Variants in ELAPOR2 observed in about 807,000 individuals in gnomAD.
The protein encoded by ELAPOR2 is endosome/lysosome-associated apoptosis and autophagy regulator family member 2.
In ELAPOR2, 89 loss-of-function variants were observed where a neutral mutation model predicts 120.7. That is an observed-to-expected ratio of 0.74 (90% CI 0.62 to 0.88). The LOEUF is 0.88. ELAPOR2 is among the 40% of genes least tolerant of loss of function. ELAPOR2 has a pLI of 0.00. For synonymous variants in ELAPOR2, 444 were observed against 444.9 expected (o/e 1.00, Z 0.03); for missense variants, 1,134 against 1,251.6 (o/e 0.91, Z 1.42).
intron 1 of ELAPOR2, among the ~76,000 whole-genome samples, chr7:86,994,445 G>A (rs183557264): frequency 2.0e-5 from 3 of 152,216 alleles, no homozygotes; most frequent in Non-Finnish European, 4.4e-5. Context: ...AAATCATGTG[G>A]CAAAATGTAA....
chr7:86,988,212 G>A (rs116630917), intron 1 of ELAPOR2, among the ~76,000 whole-genome samples: 4,754 of 152,250 alleles, frequency 0.031, 91 homozygotes, highest in Middle Eastern at 0.048. Context: ...TCAGGTGTGG[G>A]GGGAGGGATA....
At chr7:87,033,030 A>G (rs756884449) in intron 1 of ELAPOR2, among the ~76,000 whole-genome samples, 41 of 152,216 alleles carry the variant, frequency 2.7e-4, no homozygotes, top group Non-Finnish European at 4.7e-4. Context: ...AACTGTAAAT[A>G]GCTGCCTGGT....
At chr7:87,010,982 T>C (rs1446782770) in intron 1 of ELAPOR2, among the ~76,000 whole-genome samples, 2 of 152,010 alleles carry the variant, frequency 1.3e-5, no homozygotes, top group African/African-American at 2.4e-5. Flanking sequence ...AAAGAAAATA[T>C]ACCGACCAGG....
At chr7:87,016,318 G>A (rs1354772228) in intron 1 of ELAPOR2, among the ~76,000 whole-genome samples, 2 of 151,900 alleles carry the variant, frequency 1.3e-5, no homozygotes, top group Admixed American at 6.6e-5. Context: ...AAGGGGATGG[G>A]TAGAAATAGG....
chr7:86,925,049 C>G (rs530897220), intron 10 of ELAPOR2, among the ~76,000 whole-genome samples: 1 of 152,080 alleles, frequency 6.6e-6, no homozygotes, highest in East Asian at 1.9e-4. Flanking sequence ...TAGAACTCTG[C>G]CACATTTTCA....
chr7:87,047,481 G>GA (rs930664518), intron 1 of ELAPOR2, among the ~76,000 whole-genome samples: 9 of 152,010 alleles, frequency 5.9e-5, no homozygotes, highest in Admixed American at 2.6e-4. Context: ...AACTCTGTAG[G>GA]AAAAAAATCT....
chr7:86,941,968 AAAG>A (rs752144836), intron 5 of ELAPOR2, 47 bp downstream of exon 5: 45 of 1,150,206 alleles, frequency 3.9e-5, no homozygotes, highest in East Asian at 3.6e-4. Flanking sequence ...TTGGGGAAAA[AAAG>A]AAGAAGGAAA....
intron 8 of ELAPOR2, 23 bp from the exon 9 acceptor site, chr7:86,926,939 A>G: frequency 1.4e-6 from 2 of 1,474,992 alleles, no homozygotes; most frequent in East Asian, 2.4e-5. Flanking sequence ...AAAAAAAAAA[A>G]AAGCAACCAA....
intron 21 of ELAPOR2, among the ~76,000 whole-genome samples, chr7:86,890,617 C>A: frequency 6.6e-6 from 1 of 152,052 alleles, no homozygotes; most frequent in East Asian, 1.9e-4. Flanking sequence ...TCCTTCATCT[C>A]TGACATGACT....
At chr7:86,946,679 C>T (rs932077381) in intron 3 of ELAPOR2, among the ~76,000 whole-genome samples, 2 of 152,160 alleles carry the variant, frequency 1.3e-5, no homozygotes, top group Non-Finnish European at 2.9e-5. Context: ...GAGCCACCGC[C>T]GCACTGGCCC....
At chr7:86,986,201 G>A (rs1489862760) in intron 1 of ELAPOR2, among the ~76,000 whole-genome samples, 1 of 121,070 alleles carries the variant, frequency 8.3e-6, no homozygotes, top group Non-Finnish European at 1.7e-5. Flanking sequence ...AGGCCGAGGC[G>A]GGCGGATCAC....
At chr7:86,975,523 T>G (rs1792254542) in intron 1 of ELAPOR2, among the ~76,000 whole-genome samples, 1 of 152,224 alleles carries the variant, frequency 6.6e-6, no homozygotes, top group South Asian at 2.1e-4. Context: ...AAAGGTTTTC[T>G]TCTTAATCAT....
chr7:87,055,510 C>T (rs748989402), intron 1 of ELAPOR2, among the ~76,000 whole-genome samples: 1 of 152,178 alleles, frequency 6.6e-6, no homozygotes, highest in East Asian at 1.9e-4. Flanking sequence ...AATTACAATA[C>T]AATGCTGTTT....
At chr7:86,988,199 G>T (rs1792822066) in intron 1 of ELAPOR2, among the ~76,000 whole-genome samples, 1 of 152,104 alleles carries the variant, frequency 6.6e-6, no homozygotes. Context: ...GCCTGTCGTG[G>T]GGTCAGGTGT....
chr7:86,941,534 G>A, intron 5 of ELAPOR2: 1 of 361,106 alleles, frequency 2.8e-6, no homozygotes, highest in Non-Finnish European at 5.7e-6. Context: ...AGACAGCACA[G>A]TACCCAACAA....
In ELAPOR2 at chr7:86,935,595, G is replaced by C. The variant is rs543061048; in HGVS notation, c.1089+2531C>G. ...GGACCAGCAGAATCAGAATTACCCG[G>C]GACCTTCCTGGAAATGTAAATTTTC... On this transcript the variant is annotated intron_variant, in intron 8 of 21. Coordinates refer to ENST00000450689, the MANE Select transcript of ELAPOR2 (RefSeq NM_001142749.3). 3.3e-5 allele frequency among the ~76,000 whole-genome samples: 5 copies of C among 151,868 alleles called. No homozygotes were observed. In the East Asian group the frequency reaches 9.8e-4, roughly 30 times the overall value.
At chr7:86,898,285 C>T (rs1038892793) in intron 18 of ELAPOR2, among the ~76,000 whole-genome samples, 2 of 151,992 alleles carry the variant, frequency 1.3e-5, no homozygotes, top group East Asian at 1.9e-4. Context: ...ATTCAAAGTC[C>T]AGAATAGAGA....
intron 9 of ELAPOR2, among the ~76,000 whole-genome samples, chr7:86,926,368 CAAT>C (rs1790067080): frequency 6.6e-6 from 1 of 151,966 alleles, no homozygotes; most frequent in Non-Finnish European, 1.5e-5. Flanking sequence ...ATGTCCTTCT[CAAT>C]GATGATGAGC....
At chr7:86,942,320 A>G (rs1790833908) in intron 4 of ELAPOR2, among the ~76,000 whole-genome samples, 1 of 152,004 alleles carries the variant, frequency 6.6e-6, no homozygotes, top group Non-Finnish European at 1.5e-5. Context: ...TCATTGTAAC[A>G]AAAAGCCTAG....
Sources: gnomAD v4.1 joint callset for allele counts (sites outside exome capture counted in the v4.1 genomes callset) on GRCh38, gnomAD v4.1.1 for gene constraint, MANE v1.5 for transcripts, NCBI Gene and HGNC (gene_info 2026-07-23, HGNC 2026-07-21) for gene names.